Variants in TRMT11 observed in about 807,000 individuals in gnomAD.
TRMT11 encodes the protein tRNA (guanine(10)-N(2))-methyltransferase TRMT11.
A neutral mutation model predicts 62.8 loss-of-function variants in TRMT11; 53 were observed. The ratio of observed to expected loss-of-function variants is 0.84; its 90% CI spans 0.68 to 1.06. TRMT11 has a LOEUF of 1.06. TRMT11 is among the 50% of genes least tolerant of loss of function. The pLI is 0.00. For synonymous variants in TRMT11, 188 were observed against 190.3 expected, an observed-to-expected ratio of 0.99 and a Z score of 0.10; for missense variants, 556 against 553.4, an observed-to-expected ratio of 1.00 and a Z score of -0.05.
intron 16 of TRMT11, among the ~76,000 whole-genome samples, chr6:126,045,073 A>G (rs1776009442): frequency 6.6e-6 from 1 of 152,020 alleles, no homozygotes; most frequent in Admixed American, 6.6e-5. Context: ...CTATAATCCC[A>G]GCTACTCTGG....
At chr6:126,263,973 A>G in the TRMT11 span, among the ~76,000 whole-genome samples, 2 of 152,242 alleles carry the variant, frequency 1.3e-5, no homozygotes, top group Non-Finnish European at 2.9e-5. Flanking sequence ...TGGGCAATAT[A>G]GTGAAACATT....
chr6:126,158,577 T>A (rs1279926667), intron 21 of TRMT11, among the ~76,000 whole-genome samples: 2 of 152,196 alleles, frequency 1.3e-5, no homozygotes, highest in African/African-American at 2.4e-5. Flanking sequence ...TGGATCCTTA[T>A]GGTATATGAA....
chr6:126,094,106 C>G (rs949874597), intron 17 of TRMT11, among the ~76,000 whole-genome samples: 1 of 152,052 alleles, frequency 6.6e-6, no homozygotes, highest in South Asian at 2.1e-4. Flanking sequence ...CACACACACA[C>G]ACACACACAC....
At chr6:126,034,287 T>A (rs1774758631) in intron 12 of TRMT11, among the ~76,000 whole-genome samples, 1 of 152,152 alleles carries the variant, frequency 6.6e-6, no homozygotes, top group Admixed American at 6.5e-5. Flanking sequence ...ATGATACTTT[T>A]CTGCAAAAAG....
chr6:126,014,512 G>A (rs1377619220), intron 11 of TRMT11, among the ~76,000 whole-genome samples: 1 of 152,178 alleles, frequency 6.6e-6, no homozygotes, highest in Non-Finnish European at 1.5e-5. Context: ...GCCTCCCAAA[G>A]TGTTGGGATT....
intron 21 of TRMT11, among the ~76,000 whole-genome samples, chr6:126,143,083 GA>G (rs911148387): frequency 2.0e-5 from 3 of 151,838 alleles, no homozygotes; most frequent in African/African-American, 4.8e-5. Context: ...AGACATTCAG[GA>G]AAAAAAAGTT....
chr6:126,013,989 T>C (rs1474459930), intron 11 of TRMT11, among the ~76,000 whole-genome samples: 1 of 152,208 alleles, frequency 6.6e-6, no homozygotes, highest in African/African-American at 2.4e-5. Context: ...GTACAATAAA[T>C]CAAAAGCTAA....
chr6:126,258,454 C>G, the TRMT11 span: 1 of 262,348 alleles, frequency 3.8e-6, no homozygotes, highest in Non-Finnish European at 7.5e-6. Context: ...CTGCGCAGCT[C>G]CACGGAGATT....
chr6:126,254,910 G>T, the TRMT11 span, among the ~76,000 whole-genome samples: 1 of 152,068 alleles, frequency 6.6e-6, no homozygotes, highest in South Asian at 2.1e-4. Context: ...CTTTGCATTT[G>T]CCTTCTAGTT....
chr6:126,240,651 G>T, the TRMT11 span, among the ~76,000 whole-genome samples: 1 of 152,198 alleles, frequency 6.6e-6, no homozygotes, highest in Non-Finnish European at 1.5e-5. Flanking sequence ...GGCTGCTCAG[G>T]GGTCAGGGAC....
chr6:126,064,466 G>T (rs1424491753), intron 17 of TRMT11, among the ~76,000 whole-genome samples: 1 of 152,078 alleles, frequency 6.6e-6, no homozygotes, highest in African/African-American at 2.4e-5. Context: ...GCTGTGTAAG[G>T]GTAAGTGAGG....
rs144998593 is a variant in TRMT11 at position 126,116,537 on chromosome 6, G to T, written c.*1823+682G>T. The stretch of plus-strand genomic sequence containing the variant: ...TATGTGGTTTTGTCCTTAATAATAG[G>T]GTAGTGCAAATAGTTAATTCACTAC... On this transcript the variant is annotated intron_variant and NMD_transcript_variant, in intron 21 of 22. Coordinates refer to the TRMT11 transcript ENST00000648977. 3.9e-3 allele frequency among the ~76,000 whole-genome samples: 591 copies of T among 152,100 alleles called. 4 individuals carry two copies. The highest frequency in any genetic ancestry group is 0.014 in the African/African-American group (576 of 41,500).
At chr6:126,140,613 T>A (rs909231174) in intron 21 of TRMT11, among the ~76,000 whole-genome samples, 1 of 152,088 alleles carries the variant, frequency 6.6e-6, no homozygotes, top group South Asian at 2.1e-4. Flanking sequence ...AATTTGACCA[T>A]TTTAGCTAAG....
chr6:126,260,795 G>A, the TRMT11 span, among the ~76,000 whole-genome samples: 8 of 152,124 alleles, frequency 5.3e-5, no homozygotes, highest in Admixed American at 3.9e-4. Flanking sequence ...TCTGCTAATA[G>A]TCTCACGGAG....
chr6:126,134,142 C>G lies in TRMT11; in HGVS notation c.*1823+18287C>G, dbSNP rs1777822625. ...AAGTAACAAAATGGCAGTAGTAAGG[C>G]CTAATGTATAAATAATAACATTAAA... On this transcript the variant is annotated intron_variant and NMD_transcript_variant, in intron 21 of 22. Transcript: ENST00000648977. Among the ~76,000 whole-genome samples the G allele has an allele frequency of 2.0e-5, 3 of 151,820 alleles. No individual in the cohort carries two copies. In the South Asian group the frequency reaches 6.2e-4, roughly 32 times the overall value.
At chr6:126,015,830 C>T (rs1794912781) in intron 11 of TRMT11, among the ~76,000 whole-genome samples, 1 of 152,130 alleles carries the variant, frequency 6.6e-6, no homozygotes, top group African/African-American at 2.4e-5. Context: ...GAGGACATGG[C>T]TTATATTCTG....
At chr6:126,145,931 G>T (rs1178684917) in intron 21 of TRMT11, among the ~76,000 whole-genome samples, 1 of 152,116 alleles carries the variant, frequency 6.6e-6, no homozygotes, top group African/African-American at 2.4e-5. Context: ...TGGACCAAAG[G>T]TTCATATTAA....
intron 3 of TRMT11, among the ~76,000 whole-genome samples, chr6:125,997,720 G>A (rs915626714): frequency 6.6e-6 from 1 of 152,096 alleles, no homozygotes; most frequent in African/African-American, 2.4e-5. Context: ...TGTTGCCCAG[G>A]CTGGTCTTGA....
chr6:126,042,924 A>G (rs191702667), downstream of TRMT11, among the ~76,000 whole-genome samples: 1 of 152,296 alleles, frequency 6.6e-6, no homozygotes, highest in African/African-American at 2.4e-5. Flanking sequence ...ATGAGTTTTA[A>G]AAATCTTTAA....
Sources: allele counts gnomAD v4.1 joint callset (sites outside exome capture counted in the v4.1 genomes callset), GRCh38; gene constraint gnomAD v4.1.1; transcripts MANE v1.5; gene names NCBI Gene and HGNC (gene_info 2026-07-23, HGNC 2026-07-21).